The following NDST1 variants were observed in gnomAD, a reference collection of about 807,000 sequenced individuals.
The protein encoded by NDST1 is bifunctional heparan sulfate N-deacetylase/N-sulfotransferase 1.
NDST1 carries 35 observed loss-of-function variants against 92.8 expected under a neutral mutation model. The ratio of observed to expected loss-of-function variants is 0.38; its 90% CI spans 0.29 to 0.50. The LOEUF is 0.50. NDST1 is among the 20% of genes least tolerant of loss of function. The probability of loss-of-function intolerance (pLI) is 0.94; values close to 1 mark genes in which losing one functional copy is unlikely to be tolerated. For synonymous variants in NDST1, 493 were observed against 500.3 expected, an observed-to-expected ratio of 0.99 and a Z score of 0.19; for missense variants, 822 against 1,182.7, an observed-to-expected ratio of 0.69 and a Z score of 4.47.
At chr5:150,501,289 G>T (rs1324239122) in intron 1 of NDST1, among the ~76,000 whole-genome samples, 1 of 152,190 alleles carries the variant, frequency 6.6e-6, no homozygotes, top group Admixed American at 6.5e-5. Flanking sequence ...CATGGGGTAG[G>T]CAGCCTTGGA....
intron 13 of NDST1, chr5:150,550,950 C>T (rs75541727): frequency 0.024 from 3,709 of 152,692 alleles, 151 homozygotes; most frequent in East Asian, 0.16. Context: ...GCTAAATAAA[C>T]GGTAGCTGCT....
At chr5:150,535,049 C>G in intron 5 of NDST1, 28 bp downstream of exon 5, 1 of 1,603,454 alleles carries the variant, frequency 6.2e-7, no homozygotes, top group Non-Finnish European at 8.5e-7. Context: ...CAGGGCAGAG[C>G]GGGGCGGGCT....
At chr5:150,526,807 AG>A (rs1192950289) in intron 2 of NDST1, among the ~76,000 whole-genome samples, 5 of 152,182 alleles carry the variant, frequency 3.3e-5, no homozygotes, top group Non-Finnish European at 1.5e-5. Context: ...ATTCAGGGGC[AG>A]GTGGCTGAGA....
In NDST1 at chr5:150,534,913, G is replaced by A. The variant is rs1754916066; in HGVS notation, c.1143G>A (p.Val381=). 1 of 1,614,282 alleles carries A rather than the reference G, an allele frequency of 6.2e-7. No individual in the cohort carries two copies. Among genetic ancestry groups the A allele is most frequent in the Non-Finnish European group, 8.5e-7 (1 of 1,180,056 alleles). Residue 381 remains valine (V), a synonymous_variant, in exon 5 of 15, where the codon GTG becomes GTA. Coordinates refer to ENST00000261797, the MANE Select transcript of NDST1 (RefSeq NM_001543.5). ...DAGDDLLLSY[V]KEFWWFPHMW... ...GGGATGATCTGCTGCTGTCGTATGT[G>A]AAGGAGTTCTGGTGGTTCCCCCACA...
In NDST1 at chr5:150,539,344, G is replaced by A. The variant is rs752968769; in HGVS notation, c.1554G>A (p.Val518=). The A allele has an allele frequency of 3.1e-6, 5 of 1,614,100 alleles. No individual in the cohort carries two copies. In the South Asian group the frequency reaches 4.4e-5, roughly 14 times the overall value. The change falls in exon 7 of 15, where the codon GTG becomes GTA. Residue 518 remains valine, a synonymous_variant. Transcript: ENST00000261797. ...IINGGELFLT[V]LLNPISIFMT... is the part of the protein sequence containing the mutation. Reference sequence around the variant, plus strand: ...ACGGGGGCGAGCTCTTCCTCACCGTGCTCCTCAATCCTGTGAGTGCTCCAC... The same window carrying A: ...ACGGGGGCGAGCTCTTCCTCACCGTACTCCTCAATCCTGTGAGTGCTCCAC...
chr5:150,534,151 C>T (rs1247716782), intron 4 of NDST1, among the ~76,000 whole-genome samples: 1 of 151,296 alleles, frequency 6.6e-6, no homozygotes, highest in East Asian at 2.0e-4. Flanking sequence ...GGCAGGAGTA[C>T]AGTGGTGCAA....
At chr5:150,510,135 C>T (rs1230484188) in intron 1 of NDST1, among the ~76,000 whole-genome samples, 2 of 152,226 alleles carry the variant, frequency 1.3e-5, no homozygotes, top group Non-Finnish European at 2.9e-5. Flanking sequence ...CTTACCCTCT[C>T]TGAGCCTCCA....
rs971290800 is a variant in NDST1, at chr5:150,553,786, C to T, written c.*454C>T. On this transcript the variant is annotated 3_prime_UTR_variant, in exon 15 of 15. Coordinates refer to ENST00000261797, the MANE Select transcript of NDST1 (RefSeq NM_001543.5). This position sits in a 1 kb window ranked among gnomAD's most constrained non-coding sequence, Gnocchi z 4.2. ...AGACAGACTGGACATTTCCCTGTTT[C>T]GAGCCAGGCTCTTCCAAGGGGCCAG... 8.6e-5 allele frequency: 37 copies of T among 430,562 alleles called. 1 individual carries two copies. Among genetic ancestry groups the T allele is most frequent in the South Asian group, 8.3e-4 (26 of 31,350 alleles). 26.7% of individuals were successfully genotyped at this position (430,562 alleles called of 1,614,324 possible).
In NDST1 at chr5:150,511,821, G is replaced by A. The variant is rs147490119; in HGVS notation, c.-388+3595G>A. ...GCCTCCCAGGGATGTAATCACGCTG[G>A]AGAAACTCCCGCACAGCTGGGAAGC... On this transcript the variant is annotated intron_variant, in intron 1 of 14. Transcript: ENST00000261797. 4.8e-3 allele frequency among the ~76,000 whole-genome samples: 729 copies of A among 152,252 alleles called. 2 individuals are homozygous for A. The highest frequency in any genetic ancestry group is 0.017 in the African/African-American group (703 of 41,518).
intron 1 of NDST1, among the ~76,000 whole-genome samples, chr5:150,508,958 A>G (rs1333604284): frequency 2.0e-5 from 3 of 152,136 alleles, no homozygotes; most frequent in Non-Finnish European, 2.9e-5. Flanking sequence ...ACAGGCGGCA[A>G]TGGAGGCTGT....
chr5:150,534,087 C>T (rs944047716), intron 4 of NDST1, among the ~76,000 whole-genome samples: 4 of 146,418 alleles, frequency 2.7e-5, no homozygotes, highest in African/African-American at 1.0e-4. Context: ...CATCTCAAAA[C>T]AAAAAGAAAA....
chr5:150,536,110 C>T (rs573851545), intron 6 of NDST1, among the ~76,000 whole-genome samples: 1 of 152,146 alleles, frequency 6.6e-6, no homozygotes, highest in Non-Finnish European at 1.5e-5. Flanking sequence ...GACAGAGGAT[C>T]AAGCAATAAT....
At chr5:150,504,285 G>A (rs1753355984), upstream of NDST1, among the ~76,000 whole-genome samples, 1 of 152,202 alleles carries the variant, frequency 6.6e-6, no homozygotes, top group Non-Finnish European at 1.5e-5. Flanking sequence ...TGGGGGTTCT[G>A]GAGATGTTCC....
upstream of NDST1, among the ~76,000 whole-genome samples, chr5:150,504,972 G>T (rs1753385338): frequency 6.6e-6 from 1 of 152,204 alleles, no homozygotes; most frequent in African/African-American, 2.4e-5. Flanking sequence ...CTGTGTGCGT[G>T]TTGGGAAGCC....
intron 1 of NDST1, among the ~76,000 whole-genome samples, chr5:150,517,582 C>T (rs1332252242): frequency 6.6e-6 from 1 of 152,202 alleles, no homozygotes; most frequent in African/African-American, 2.4e-5. Flanking sequence ...TATCTACCAT[C>T]GTCGTCTCAT....
At position 150,539,347 on chromosome 5, in the gene NDST1, C is replaced by T. The variant is rs756176146; in HGVS notation, c.1557C>T (p.Leu519=). Residue 519 remains leucine, a synonymous_variant, in exon 7 of 15, where the codon CTC becomes CTT. Transcript: ENST00000261797. ...INGGELFLTV[L]LNPISIFMTH... ...GGGGCGAGCTCTTCCTCACCGTGCT[C>T]CTCAATCCTGTGAGTGCTCCACAGC... The T allele has an allele frequency of 1.9e-6, 3 of 1,614,116 alleles. No individual in the cohort carries two copies. Among genetic ancestry groups the T allele is most frequent in the South Asian group, 1.1e-5 (1 of 91,078 alleles).
Position 150,521,148 on chromosome 5 carries a change from CTG to C in NDST1, c.-104_-103del. The C allele has an allele frequency of 9.6e-7, 1 of 1,038,270 alleles. No individual in the cohort carries two copies. The highest frequency in any genetic ancestry group is 1.6e-5 in the African/African-American group (1 of 62,658). 64.3% of individuals were successfully genotyped at this position (1,038,270 alleles called of 1,614,324 possible). On this transcript the variant is annotated 5_prime_UTR_variant, in exon 2 of 15. Coordinates refer to ENST00000261797, the MANE Select transcript of NDST1 (RefSeq NM_001543.5). This position sits in a 1 kb window ranked among gnomAD's most constrained non-coding sequence, Gnocchi z 5.9. ...CACAAGGGCGTCGCTTCCTAAGTCT[CTG>C]TGAATTTGTTGGTCAGTGGACGATT... is the stretch of plus-strand genomic sequence containing the variant.
At chr5:150,502,054 T>C (rs1248148743) in intron 1 of NDST1, among the ~76,000 whole-genome samples, 4 of 152,176 alleles carry the variant, frequency 2.6e-5, no homozygotes, top group Admixed American at 2.0e-4. Flanking sequence ...CCAGAGGGCA[T>C]GTGGAGACAG....
At chr5:150,499,921 G>A (rs1030989882) in intron 1 of NDST1, among the ~76,000 whole-genome samples, 1 of 152,206 alleles carries the variant, frequency 6.6e-6, no homozygotes, top group African/African-American at 2.4e-5. Context: ...TCTGTGTGCT[G>A]AGGCCAGCAG....
Sources: allele counts gnomAD v4.1 joint callset (sites outside exome capture counted in the v4.1 genomes callset), GRCh38; gene constraint gnomAD v4.1.1; non-coding constraint Gnocchi (gnomAD v3.1); transcripts MANE v1.5; gene names NCBI Gene and HGNC (gene_info 2026-07-23, HGNC 2026-07-21).